Variants in PRKCE observed in about 807,000 individuals in gnomAD.
The protein encoded by PRKCE is protein kinase C epsilon type.
Under a neutral mutation model 85.4 loss-of-function variants are expected in PRKCE, and 16 were observed. The observed-to-expected ratio is 0.19, with a 90% CI of 0.13 to 0.28. PRKCE has a LOEUF of 0.28. Among genes scored for constraint, PRKCE ranks in the 10% least tolerant of loss-of-function variants. The pLI is 1.00. For synonymous variants in PRKCE, 388 were observed against 371.5 expected, an observed-to-expected ratio of 1.04 and a Z score of -0.51; for missense variants, 573 against 975.2, an observed-to-expected ratio of 0.59 and a Z score of 5.49.
At chr2:45,843,135 C>CT in intron 2 of PRKCE, 72 bp downstream of exon 2, 1 of 1,350,870 alleles carries the variant, frequency 7.4e-7, no homozygotes. Flanking sequence ...TTCTTTCCCC[C>CT]CCTTGGCCGG....
chr2:45,896,386 G>T (rs1454269512), intron 2 of PRKCE, among the ~76,000 whole-genome samples: 2 of 152,166 alleles, frequency 1.3e-5, no homozygotes, highest in African/African-American at 4.8e-5. Flanking sequence ...CGTGGCTGTG[G>T]CTGGGAGGGA....
intron 1 of PRKCE, among the ~76,000 whole-genome samples, chr2:45,721,500 G>C (rs1015591079): frequency 9.2e-5 from 14 of 152,276 alleles, no homozygotes; most frequent in African/African-American, 3.4e-4. Context: ...GGAAGACATG[G>C]GGGTGGTACC....
chr2:45,747,583 T>C (rs1683237510), intron 1 of PRKCE, among the ~76,000 whole-genome samples: 1 of 152,250 alleles, frequency 6.6e-6, no homozygotes, highest in East Asian at 1.9e-4. Context: ...TGTATGGACA[T>C]ACCACATGTG....
At chr2:45,868,214 C>CT (rs777188116) in intron 2 of PRKCE, among the ~76,000 whole-genome samples, 997 of 79,872 alleles carry the variant, frequency 0.012, 12 homozygotes, top group Non-Finnish European at 0.015. Context: ...TGTAACGGAG[C>CT]TTTTTTTTTT....
In PRKCE at chr2:46,184,583, T is replaced by C; in HGVS notation, c.2068-152T>C. Reference sequence around the variant, plus strand: ...CTCCGGGTCCTGGGGCCATCCATCGTTACCTCATCGGGACAGCCCCGTGTC... The same window carrying C: ...CTCCGGGTCCTGGGGCCATCCATCGCTACCTCATCGGGACAGCCCCGTGTC... On this transcript the variant is annotated intron_variant, in intron 14 of 14. Transcript: ENST00000306156. This position sits in a 1 kb window ranked among gnomAD's most constrained non-coding sequence, Gnocchi z 5.0. 1.0e-6 allele frequency: 1 copy of C among 972,160 alleles called. No homozygotes were observed. The highest frequency in any genetic ancestry group is 1.5e-6 in the Non-Finnish European group (1 of 652,934). The allele number at this position is 972,160 out of a possible 1,614,324, so 60.2% of individuals were successfully genotyped here. A position where few individuals can be genotyped will look rare whatever the true frequency, so the allele number is the denominator to read the frequency against.
intron 11 of PRKCE, among the ~76,000 whole-genome samples, chr2:46,127,382 A>G: frequency 6.6e-6 from 1 of 152,238 alleles, no homozygotes; most frequent in East Asian, 1.9e-4. Flanking sequence ...AAGAGAGAGC[A>G]CGCCCTAAAC....
intron 3 of PRKCE, chr2:45,978,658 A>C (rs10191926): frequency 6.6e-6 from 2 of 302,392 alleles, no homozygotes; most frequent in Non-Finnish European, 1.2e-5. Context: ...TCACTGCTCA[A>C]TGCCTACCAG....
intron 11 of PRKCE, among the ~76,000 whole-genome samples, chr2:46,109,634 A>T (rs530293199): frequency 8.0e-4 from 122 of 152,276 alleles, no homozygotes; most frequent in Non-Finnish European, 1.5e-3. Flanking sequence ...ATAGACAATT[A>T]TGTCATATGT....
chr2:45,949,392 T>C (rs1700459527), intron 2 of PRKCE, among the ~76,000 whole-genome samples: 1 of 149,380 alleles, frequency 6.7e-6, no homozygotes, highest in Non-Finnish European at 1.5e-5. Flanking sequence ...ATTGTTCATT[T>C]ATTTTGCTTG....
chr2:46,142,624 C>A (rs1418510540), intron 11 of PRKCE, among the ~76,000 whole-genome samples: 1 of 152,232 alleles, frequency 6.6e-6, no homozygotes, highest in Non-Finnish European at 1.5e-5. Context: ...CCATGCTTGG[C>A]TGTGGCAGCC....
intron 11 of PRKCE, among the ~76,000 whole-genome samples, chr2:46,129,056 A>G (rs1674149320): frequency 6.6e-6 from 1 of 152,106 alleles, no homozygotes; most frequent in Non-Finnish European, 1.5e-5. Context: ...CCACTCCTAT[A>G]CTAGCTGTGG....
intron 2 of PRKCE, among the ~76,000 whole-genome samples, chr2:45,941,089 A>AAAAAAAAAAAAAAAAAAAAAAATTTT: frequency 6.8e-6 from 1 of 147,088 alleles, no homozygotes; most frequent in South Asian, 2.2e-4. Context: ...AAAAAAAAAG[A>AAAAAAAAAAAAAAAAAAAAAAATTTT]TGATAGGCAC....
chr2:45,934,364 G>A (rs967565535), intron 2 of PRKCE, among the ~76,000 whole-genome samples: 8 of 152,174 alleles, frequency 5.3e-5, no homozygotes, highest in African/African-American at 1.9e-4. Context: ...TAAAATTACT[G>A]TTGGCCAGGC....
chr2:45,817,121 G>C (rs1689126560), intron 1 of PRKCE, among the ~76,000 whole-genome samples: 1 of 144,910 alleles, frequency 6.9e-6, no homozygotes, highest in African/African-American at 2.6e-5. Context: ...TGTGGGTAGG[G>C]ACATGCCCCA....
chr2:45,977,386 C>T (rs987595355), intron 3 of PRKCE, among the ~76,000 whole-genome samples: 2 of 152,006 alleles, frequency 1.3e-5, no homozygotes, highest in South Asian at 4.1e-4. Context: ...TCTATAATCC[C>T]AGCACTTTGG....
intron 11 of PRKCE, among the ~76,000 whole-genome samples, chr2:46,129,108 G>T (rs993179961): frequency 2.0e-5 from 3 of 152,160 alleles, no homozygotes; most frequent in African/African-American, 4.8e-5. Flanking sequence ...TCTCAGATTT[G>T]TCATCTTTAA....
chr2:45,844,017 C>G (rs944714122), intron 2 of PRKCE, among the ~76,000 whole-genome samples: 66 of 152,214 alleles, frequency 4.3e-4, no homozygotes, highest in Non-Finnish European at 6.2e-4. Context: ...TTCACAACAT[C>G]TCCCCAGAAT....
At chr2:45,890,345 G>T (rs766109455) in intron 2 of PRKCE, among the ~76,000 whole-genome samples, 1 of 151,940 alleles carries the variant, frequency 6.6e-6, no homozygotes, top group Non-Finnish European at 1.5e-5. Flanking sequence ...TCAGTACATA[G>T]TACTCTCTGT....
At chr2:46,086,099 C>G in intron 10 of PRKCE, 109 bp from the exon 11 acceptor site, 1 of 1,179,816 alleles carries the variant, frequency 8.5e-7, no homozygotes, top group Non-Finnish European at 1.2e-6. Flanking sequence ...ACCTTTGAGG[C>G]TTCTTCCCCC....
Sources: allele counts gnomAD v4.1 joint callset (sites outside exome capture counted in the v4.1 genomes callset), GRCh38; gene constraint gnomAD v4.1.1; non-coding constraint Gnocchi (gnomAD v3.1); transcripts MANE v1.5; gene names NCBI Gene and HGNC (gene_info 2026-07-23, HGNC 2026-07-21).